PLPPR3: variants seen among roughly 807,000 people sequenced by gnomAD.
The protein encoded by PLPPR3 is phospholipid phosphatase-related protein type 3.
A neutral mutation model predicts 27.3 loss-of-function variants in PLPPR3; 14 were observed. The ratio of observed to expected loss-of-function variants is 0.51; its 90% confidence interval spans 0.34 to 0.80. PLPPR3 has a LOEUF of 0.80. Ranked by LOEUF, PLPPR3 falls within the 30% of genes least tolerant of loss-of-function variation. The pLI is 0.01. For synonymous variants in PLPPR3, 671 were observed against 508.0 expected, an observed-to-expected ratio of 1.32 and a Z score of -4.32; for missense variants, 1,287 against 1,056.9, an observed-to-expected ratio of 1.22 and a Z score of -3.02.
Position 813,018 on chromosome 19 carries a change from C to G in PLPPR3, c.1709G>C (p.Arg570Pro). The G allele has an allele frequency of 6.6e-7, 1 of 1,519,008 alleles. No homozygotes were observed. The allele number at this position is 1,519,008 out of a possible 1,614,324, so 94.1% of individuals were successfully genotyped here. Residue 570 changes from arginine (R) to proline (P), a missense_variant, in exon 8 of 8, where the codon CGG becomes CCG. Physicochemically the swap from Arg to Pro is moderately radical, Grantham distance 103. Coordinates refer to ENST00000520876, the MANE Select transcript of PLPPR3 (RefSeq NM_001270366.2). The surrounding 1 kb of genome is among the most constrained non-coding windows in gnomAD (Gnocchi z 4.1). Reference sequence around the variant, plus strand: ...GGCGGAGTCGCGGTCCGACGGCGACCGGTACTGCGAGGAGTCGGAGCTGGC... The same window carrying G: ...GGCGGAGTCGCGGTCCGACGGCGACGGGTACTGCGAGGAGTCGGAGCTGGC... ...SSASSDSSQY[R>P]SPSDRDSASI... is the part of the protein sequence containing the mutation.
chr19:812,540 C>G lies in PLPPR3; in HGVS notation c.*30G>C, dbSNP rs1010506044. 2.5e-5 allele frequency: 23 copies of G among 934,752 alleles called. No individual in the cohort carries two copies. The highest frequency in any genetic ancestry group is 1.1e-4 in the African/African-American group (6 of 55,390). 57.9% of individuals were successfully genotyped at this position (934,752 alleles called of 1,614,324 possible). A position where few individuals can be genotyped will look rare whatever the true frequency, so the allele number is the denominator to read the frequency against. ...CGCGCGGCCGCCCGCGCCCTCGGCCCGCCCCCCGCCCGCCCCCGGCCCCGC... is the reference window on the plus strand; with the variant it reads ...CGCGCGGCCGCCCGCGCCCTCGGCCGGCCCCCCGCCCGCCCCCGGCCCCGC... On this transcript the variant is annotated 3_prime_UTR_variant, in exon 8 of 8. Transcript: ENST00000520876.
chr19:822,392 G>A (rs1372103130), upstream of PLPPR3, among the ~76,000 whole-genome samples: 4 of 151,792 alleles, frequency 2.6e-5, no homozygotes, highest in Non-Finnish European at 4.4e-5. Flanking sequence ...GCCTCCGCCC[G>A]CCCCTCCGCG....
chr19:823,482 G>A (rs1037742375), upstream of PLPPR3, among the ~76,000 whole-genome samples: 7 of 150,670 alleles, frequency 4.6e-5, no homozygotes, highest in Non-Finnish European at 1.0e-4. Flanking sequence ...ACTCCAGAGG[G>A]TTGGAGCCCT....
At chr19:821,410 C>T (rs2035143071) in intron 2 of PLPPR3, 75 bp downstream of exon 2, 1 of 1,358,982 alleles carries the variant, frequency 7.4e-7, no homozygotes, top group Non-Finnish European at 9.9e-7. Flanking sequence ...CGGCTCCGGT[C>T]CCCCAGCGCG....
upstream of PLPPR3, among the ~76,000 whole-genome samples, chr19:823,455 A>AAAAAC (rs1568289373): frequency 3.8e-5 from 5 of 132,074 alleles, no homozygotes; most frequent in Admixed American, 4.0e-4. Context: ...AAAAAAAAAA[A>AAAAAC]AAACAAACAA....
chr19:814,791 C>T, intron 5 of PLPPR3, 42 bp from the exon 6 acceptor site: 1 of 1,559,136 alleles, frequency 6.4e-7, no homozygotes, highest in Non-Finnish European at 8.6e-7. Flanking sequence ...ACCTGGGGAC[C>T]CCAGCTCCAG....
chr19:822,707 A>C (rs2035167185), upstream of PLPPR3, among the ~76,000 whole-genome samples: 1 of 152,078 alleles, frequency 6.6e-6, no homozygotes, highest in Non-Finnish European at 1.5e-5. Context: ...CCTCCTCCAT[A>C]TGCGCAGCCC....
At chr19:817,662 C>A (rs1012749070) in intron 2 of PLPPR3, among the ~76,000 whole-genome samples, 2 of 152,094 alleles carry the variant, frequency 1.3e-5, no homozygotes, top group African/African-American at 4.8e-5. Context: ...CAGGTCAGGG[C>A]TGGGGGCTCC....
At chr19:820,686 A>AT (rs754734309) in intron 2 of PLPPR3, among the ~76,000 whole-genome samples, 1 of 151,832 alleles carries the variant, frequency 6.6e-6, no homozygotes, top group African/African-American at 2.4e-5. Context: ...TACCCGGCTA[A>AT]TTTTTTTGTA....
At position 813,969 on chromosome 19, in the gene PLPPR3, G is replaced by C. The variant is rs548707872; in HGVS notation, c.832-74C>G. 1 of 1,401,968 alleles carries C rather than the reference G, an allele frequency of 7.1e-7. No individual in the cohort carries two copies. Among genetic ancestry groups the C allele is most frequent in the Non-Finnish European group, 9.2e-7 (1 of 1,083,688 alleles). 86.8% of individuals were successfully genotyped at this position (1,401,968 alleles called of 1,614,324 possible). On this transcript the variant is annotated intron_variant, in intron 7 of 7. Transcript: ENST00000520876. This position sits in a 1 kb window ranked among gnomAD's most constrained non-coding sequence, Gnocchi z 4.1. ...CTCCCCTGTGATCGTTGGACTTGCC[G>C]CGGGGGGCTCTGGACCGGGGGTGGG... is the stretch of plus-strand genomic sequence containing the variant.
Position 813,270 on chromosome 19 carries a change from G to A in PLPPR3, c.1457C>T (p.Pro486Leu). 1 of 1,473,134 alleles carries A rather than the reference G, an allele frequency of 6.8e-7. No individual in the cohort carries two copies. The highest frequency in any genetic ancestry group is 1.3e-5 in the South Asian group (1 of 76,906). 91.3% of individuals were successfully genotyped at this position (1,473,134 alleles called of 1,614,324 possible). Reference protein sequence around the residue: ...PGLGPRVILPPRAGPPPLVHI... With the variant: ...PGLGPRVILPLRAGPPPLVHI... ...CACCAGCGGCGGCGGCCCCGCGCGC[G>A]GTGGGAGGATGACCCGAGGCCCCAG... The change falls in exon 8 of 8, where the codon CCG (proline) becomes CTG (leucine). Residue 486 changes from proline to leucine, a missense_variant. Pro to Leu is a moderately conservative substitution (Grantham distance 98). Coordinates refer to ENST00000520876, the MANE Select transcript of PLPPR3 (RefSeq NM_001270366.2). The surrounding 1 kb of genome is among the most constrained non-coding windows in gnomAD (Gnocchi z 4.1).
At position 813,672 on chromosome 19, in the gene PLPPR3, G is replaced by C; in HGVS notation, c.1055C>G (p.Ala352Gly). The change falls in exon 8 of 8, where the codon GCC becomes GGC. Residue 352 changes from alanine (A) to glycine (G), a missense_variant. Transcript: ENST00000520876. This position sits in a 1 kb window ranked among gnomAD's most constrained non-coding sequence, Gnocchi z 4.1. Reference sequence around the variant, plus strand: ...GGCCAGCAGGTCCACGTCCACGCTGGCGCGCTTCAGGCTGCCCAGCGAGGT... The same window carrying C: ...GGCCAGCAGGTCCACGTCCACGCTGCCGCGCTTCAGGCTGCCCAGCGAGGT... The part of the protein sequence containing the change: ...EKTSLGSLKR[A>G]SVDVDLLAPR... The C allele has an allele frequency of 6.5e-7, 1 of 1,534,358 alleles. No individual in the cohort carries two copies. Among genetic ancestry groups the C allele is most frequent in the Non-Finnish European group, 8.7e-7 (1 of 1,144,760 alleles).
rs1568281863 is a variant in PLPPR3 at position 812,521 on chromosome 19, GCCGCCCGCGCCCTCGGCCCGCCCCCCGC to G, written c.*21_*48del. ...TGCCGCTTTATTGAGCATCCGCGCG[GCCGCCCGCGCCCTCGGCCCGCCCCCCGC>G]CCGCCCCCGGCCCCGCCGCGCTAGT... On this transcript the variant is annotated 3_prime_UTR_variant, in exon 8 of 8. Transcript: ENST00000520876. 2.0e-6 allele frequency: 2 copies of G among 987,480 alleles called. No homozygotes were observed. Among genetic ancestry groups the G allele is most frequent in the African/African-American group, 1.8e-5 (1 of 56,808 alleles). 61.2% of individuals were successfully genotyped at this position (987,480 alleles called of 1,614,324 possible).
chr19:814,016 T>TGG, intron 7 of PLPPR3, 121 bp from the exon 8 acceptor site: 1 of 959,616 alleles, frequency 1.0e-6, no homozygotes, highest in Non-Finnish European at 1.5e-6. Flanking sequence ...TCTTGTCCAG[T>TGG]GGGACCGGTT....
Position 813,995 on chromosome 19 carries a change from G to A in PLPPR3, c.832-100C>T. 1 of 1,195,010 alleles carries A rather than the reference G, an allele frequency of 8.4e-7. No individual in the cohort carries two copies. The highest frequency in any genetic ancestry group is 1.1e-6 in the Non-Finnish European group (1 of 894,640). The allele number at this position is 1,195,010 out of a possible 1,614,324, so 74.0% of individuals were successfully genotyped here. A position where few individuals can be genotyped will look rare whatever the true frequency, so the allele number is the denominator to read the frequency against. On this transcript the variant is annotated intron_variant, in intron 7 of 7. Transcript: ENST00000520876. The surrounding 1 kb of genome is among the most constrained non-coding windows in gnomAD (Gnocchi z 4.1). ...CGGGGGGCTCTGGACCGGGGGTGGG[G>A]GCTGGCAAGCTCTTGTCCAGTGGGA...
Position 821,564 on chromosome 19 carries a change from C to T in PLPPR3, c.-5G>A, listed in dbSNP as rs1271805937. On this transcript the variant is annotated 5_prime_UTR_variant, in exon 2 of 8. Coordinates refer to ENST00000520876, the MANE Select transcript of PLPPR3 (RefSeq NM_001270366.2). ...CTTCTCCTTGGTGGAGATCATGGTGCCGCGGGCGCCGCAGGCCGTGGCTGG... is the reference window on the plus strand; with the variant it reads ...CTTCTCCTTGGTGGAGATCATGGTGTCGCGGGCGCCGCAGGCCGTGGCTGG... 5.4e-6 allele frequency: 8 copies of T among 1,474,728 alleles called. No homozygotes were observed. The highest frequency in any genetic ancestry group is 4.4e-5 in the African/African-American group (3 of 67,638). 91.4% of individuals were successfully genotyped at this position (1,474,728 alleles called of 1,614,324 possible).
At position 813,661 on chromosome 19, in the gene PLPPR3, C is replaced by T. The variant is rs1213370494; in HGVS notation, c.1066G>A (p.Val356Met). 6.5e-7 allele frequency: 1 copy of T among 1,536,026 alleles called. No homozygotes were observed. Among genetic ancestry groups the T allele is most frequent in the Non-Finnish European group, 8.7e-7 (1 of 1,144,914 alleles). ...LGSLKRASVDVDLLAPRSPMA... is the reference protein window; with the variant it reads ...LGSLKRASVDMDLLAPRSPMA... The stretch of plus-strand genomic sequence containing the variant: ...GGGCTGCGCGGGGCCAGCAGGTCCA[C>T]GTCCACGCTGGCGCGCTTCAGGCTG... Residue 356 changes from valine to methionine, a missense_variant, in exon 8 of 8, where the codon GTG (valine) becomes ATG (methionine). By Grantham distance (21) the Val-to-Met change is conservative (BLOSUM62 1). Coordinates refer to ENST00000520876, the MANE Select transcript of PLPPR3 (RefSeq NM_001270366.2). This position sits in a 1 kb window ranked among gnomAD's most constrained non-coding sequence, Gnocchi z 4.1.
In PLPPR3 at chr19:812,554, C is replaced by T. The variant is rs1418518005; in HGVS notation, c.*16G>A. ...CGCCCTCGGCCCGCCCCCCGCCCGC[C>T]CCCGGCCCCGCCGCGCTAGTCGGGG... On this transcript the variant is annotated 3_prime_UTR_variant, in exon 8 of 8. Coordinates refer to ENST00000520876, the MANE Select transcript of PLPPR3 (RefSeq NM_001270366.2). 3.0e-6 allele frequency: 3 copies of T among 1,000,486 alleles called. No homozygotes were observed. Among genetic ancestry groups the T allele is most frequent in the Non-Finnish European group, 3.6e-6 (3 of 839,430 alleles). 62.0% of individuals were successfully genotyped at this position (1,000,486 alleles called of 1,614,324 possible). A position where few individuals can be genotyped will look rare whatever the true frequency, so the allele number is the denominator to read the frequency against.
At chr19:821,241 C>A (rs1223617572) in intron 2 of PLPPR3, among the ~76,000 whole-genome samples, 1 of 147,104 alleles carries the variant, frequency 6.8e-6, no homozygotes, top group East Asian at 2.1e-4. Flanking sequence ...AGAAGGGCTC[C>A]CCTCCTAGCA....
Sources: gnomAD v4.1 joint callset for allele counts (sites outside exome capture counted in the v4.1 genomes callset) on GRCh38, gnomAD v4.1.1 for gene constraint, Gnocchi (gnomAD v3.1) non-coding constraint, MANE v1.5 for transcripts, NCBI Gene and HGNC (gene_info 2026-07-23, HGNC 2026-07-21) for gene names.